MECOM: variants seen among roughly 807,000 people sequenced by gnomAD.
MECOM encodes MDS1 and EVI1 complex locus.
A neutral mutation model predicts 116.3 loss-of-function variants in MECOM; 13 were observed. That is an observed-to-expected ratio of 0.11 (90% CI 0.07 to 0.18). The LOEUF (loss-of-function observed/expected upper bound fraction) is 0.18. Among genes scored for constraint, MECOM ranks in the 10% least tolerant of loss-of-function variants. MECOM has a pLI of 1.00. For synonymous variants in MECOM, 528 were observed against 535.2 expected (o/e 0.99, Z 0.19); for missense variants, 1,299 against 1,509.0 (o/e 0.86, Z 2.31).
intron 10 of MECOM, among the ~76,000 whole-genome samples, chr3:169,104,099 A>T (rs937806814): frequency 3.3e-5 from 5 of 152,168 alleles, no homozygotes; most frequent in African/African-American, 1.2e-4. Context: ...CAGGGGTTTG[A>T]TTCATAATCA....
Position 169,115,624 on chromosome 3 carries a change from C to T in MECOM, c.2248G>A (p.Asp750Asn), listed in dbSNP as rs1181126755. The T allele has an allele frequency of 8.1e-6, 13 of 1,613,996 alleles. No individual in the cohort carries two copies. The highest frequency in any genetic ancestry group is 9.3e-6 in the Non-Finnish European group (11 of 1,180,042). The change falls in exon 8 of 17, where the codon GAT becomes AAT. Residue 750 changes from aspartate to asparagine, a missense_variant. Around this residue, in one of 6 missense-constraint regions of MECOM, gnomAD observed 340 missense variants for 312.6 expected, o/e 1.09. Transcript: ENST00000651503. ...SPFDLTTKRK[D>N]EKPLTPVPSK... ...GGGACTGGAGTCAAGGGCTTCTCAT[C>T]CTTTCGCTTAGTGGTGAGATCAAAG...
intron 1 of MECOM, among the ~76,000 whole-genome samples, chr3:169,594,820 C>T (rs9647377): frequency 0.11 from 16,381 of 148,754 alleles, 1,208 homozygotes; most frequent in East Asian, 0.22. Context: ...ACACAGCAGG[C>T]CTAGTATGGA....
chr3:169,636,806 C>T (rs1034840635), intron 1 of MECOM, among the ~76,000 whole-genome samples: 4 of 152,196 alleles, frequency 2.6e-5, no homozygotes, highest in African/African-American at 9.7e-5. Context: ...TCCCCACTCC[C>T]ACCATGATCT....
intron 1 of MECOM, among the ~76,000 whole-genome samples, chr3:169,658,333 A>C (rs1269776150): frequency 6.6e-6 from 1 of 151,826 alleles, no homozygotes; most frequent in Non-Finnish European, 1.5e-5. Flanking sequence ...CCCCAAACTC[A>C]CTCTCCCTTG....
intron 10 of MECOM, among the ~76,000 whole-genome samples, chr3:169,107,203 T>G (rs1725722962): frequency 6.6e-6 from 1 of 152,260 alleles, no homozygotes; most frequent in Non-Finnish European, 1.5e-5. Flanking sequence ...ACACATATAC[T>G]TAGAGAATAT....
chr3:169,236,558 G>T (rs1754092919), intron 2 of MECOM, among the ~76,000 whole-genome samples: 1 of 152,114 alleles, frequency 6.6e-6, no homozygotes, highest in South Asian at 2.1e-4. Context: ...TCTGCCATGT[G>T]TATATTGTGT....
intron 1 of MECOM, chr3:169,483,619 G>C (rs976638363): frequency 1.5e-4 from 193 of 1,284,182 alleles, no homozygotes; most frequent in Non-Finnish European, 1.9e-4. Context: ...CACCATTTTG[G>C]TTCCCAAGTT....
chr3:169,663,474 GTCTCTCTCTCTCTCTCTCTC>G lies in MECOM; in HGVS notation c.-122_-103del, dbSNP rs71166260. On this transcript the variant is annotated 5_prime_UTR_variant, in exon 1 of 17. Coordinates refer to ENST00000651503, the MANE Select transcript of MECOM (RefSeq NM_004991.4). The stretch of plus-strand genomic sequence containing the variant: ...CTCTCGCTCCCTCCCTCTCTCTCCT[GTCTCTCTCTCTCTCTCTCTC>G]TCTCTCTCTCTCTCTCTCTCTCTCT... The G allele has an allele frequency of 1.4e-3, 785 of 569,290 alleles. 3 individuals carry two copies. The highest frequency in any genetic ancestry group is 4.8e-3 in the African/African-American group (106 of 22,152). The allele number at this position is 569,290 out of a possible 1,614,324, so 35.3% of individuals were successfully genotyped here.
chr3:169,221,240 A>C (rs1267260297), intron 2 of MECOM, among the ~76,000 whole-genome samples: 1 of 152,246 alleles, frequency 6.6e-6, no homozygotes, highest in African/African-American at 2.4e-5. Flanking sequence ...AATGTTAACT[A>C]ATAGTATCAT....
At chr3:169,259,808 T>C (rs1757323956) in intron 2 of MECOM, among the ~76,000 whole-genome samples, 1 of 152,256 alleles carries the variant, frequency 6.6e-6, no homozygotes, top group South Asian at 2.1e-4. Flanking sequence ...CAACGAAGAA[T>C]GTGTTTGCTG....
rs1365629646 is a variant in MECOM at position 169,228,907 on chromosome 3, C to T, written c.376-85075G>A. ...ATCCCAAATTGGGCCACTCTTGGAGCTCACTGTATGCACTGATATTTTGGC... is the reference window on the plus strand; with the variant it reads ...ATCCCAAATTGGGCCACTCTTGGAGTTCACTGTATGCACTGATATTTTGGC... On this transcript the variant is annotated intron_variant, in intron 2 of 16. Coordinates refer to ENST00000651503, the MANE Select transcript of MECOM (RefSeq NM_004991.4). 3.3e-5 allele frequency among the ~76,000 whole-genome samples: 5 copies of T among 152,316 alleles called. No individual in the cohort carries two copies. In the East Asian group the frequency reaches 9.6e-4, roughly 29 times the overall value.
chr3:169,500,350 T>A (rs555177488), intron 1 of MECOM, among the ~76,000 whole-genome samples: 50 of 152,014 alleles, frequency 3.3e-4, no homozygotes, highest in African/African-American at 1.2e-3. Flanking sequence ...TTTATAACCA[T>A]CTTTTTAAAA....
chr3:169,115,540 C>T lies in MECOM; in HGVS notation c.2332G>A (p.Gly778Ser). 6.2e-7 allele frequency: 1 copy of T among 1,614,108 alleles called. No individual in the cohort carries two copies. Among genetic ancestry groups the T allele is most frequent in the Non-Finnish European group, 8.5e-7 (1 of 1,180,024 alleles). ...GTCCCACTGGCTCTACTCCTACTGC[C>T]CATACTTAGATCCAGGGGCTGGTCT... Reference protein sequence around the residue: ...SQDQPLDLSMGSRSRASGTKL... With the variant: ...SQDQPLDLSMSSRSRASGTKL... Residue 778 changes from glycine to serine, a missense_variant, in exon 8 of 17, where the codon GGC becomes AGC. Gly to Ser is a moderately conservative substitution (Grantham distance 56). This residue lies in a region of MECOM where 340 missense variants were observed against 312.6 expected (regional missense o/e 1.09). Transcript: ENST00000651503.
At chr3:169,379,626 G>A (rs1416760459) in intron 2 of MECOM, among the ~76,000 whole-genome samples, 1 of 152,008 alleles carries the variant, frequency 6.6e-6, no homozygotes, top group Non-Finnish European at 1.5e-5. Context: ...TGTTTAAAAC[G>A]GCACAGTCCT....
intron 2 of MECOM, among the ~76,000 whole-genome samples, chr3:169,276,534 C>G (rs1290839309): frequency 3.8e-5 from 5 of 132,536 alleles, no homozygotes; most frequent in African/African-American, 5.8e-5. Flanking sequence ...GCCTGGGCAA[C>G]AGACCCAGAC....
rs143281318 is a variant in MECOM, at chr3:169,247,872, C to A, written c.376-104040G>T. ...ATTAAGACTGTCTGCACAAAAATTT[C>A]TCTAAATTACTTTGTTAAAAATGTG... On this transcript the variant is annotated intron_variant, in intron 2 of 16. Coordinates refer to ENST00000651503, the MANE Select transcript of MECOM (RefSeq NM_004991.4). Among the ~76,000 whole-genome samples the A allele has an allele frequency of 5.8e-3, 888 of 152,266 alleles. 4 individuals are homozygous for A. Among genetic ancestry groups the A allele is most frequent in the Middle Eastern group, 0.01 (3 of 294 alleles).
At chr3:169,158,063 T>A (rs1742272415) in intron 2 of MECOM, among the ~76,000 whole-genome samples, 1 of 149,104 alleles carries the variant, frequency 6.7e-6, no homozygotes, top group South Asian at 2.1e-4. Context: ...TTTATATTCC[T>A]CCACCCCACA....
chr3:169,496,040 A>G (rs1366100461), intron 1 of MECOM, among the ~76,000 whole-genome samples: 3 of 152,242 alleles, frequency 2.0e-5, no homozygotes, highest in Non-Finnish European at 4.4e-5. Context: ...ACAAATGAGG[A>G]CATGCAAAGC....
At chr3:169,300,979 G>T (rs1000241071) in intron 2 of MECOM, among the ~76,000 whole-genome samples, 1 of 152,152 alleles carries the variant, frequency 6.6e-6, no homozygotes, top group Non-Finnish European at 1.5e-5. Flanking sequence ...TCTGTTTCTC[G>T]TGCTGTCACT....
Sources: gnomAD v4.1 joint callset for allele counts (sites outside exome capture counted in the v4.1 genomes callset) on GRCh38, gnomAD v4.1.1 for gene constraint, gnomAD v4.1.1 regional missense constraint, MANE v1.5 for transcripts, NCBI Gene and HGNC (gene_info 2026-07-23, HGNC 2026-07-21) for gene names.